The following ZNF579 variants were observed in gnomAD, a reference collection of about 807,000 sequenced individuals.
The protein encoded by ZNF579 is zinc finger protein 579.
Under a neutral mutation model 5.7 loss-of-function variants are expected in ZNF579, and 3 were observed. The ratio of observed to expected loss-of-function variants is 0.53; its 90% CI spans 0.24 to 1.36. The LOEUF is 1.36. Ranked by LOEUF, ZNF579 falls within the 40% of genes most tolerant of loss-of-function variation. ZNF579 has a pLI of 0.16. For missense variants in ZNF579, 679 were observed against 877.6 expected (o/e 0.77, Z 2.86); for synonymous variants, 454 against 409.0 (o/e 1.11, Z -1.33).
rs931495431 is a variant in ZNF579, at chr19:55,579,089, G to A, written c.551C>T (p.Ala184Val). ...WPAGEPSTLA[A>V]PTSAAEPRES... ...CCGGGGCTCCGCGGCGCTGGTGGGC[G>A]CAGCCAGCGTGGAAGGCTCCCCCGC... Residue 184 changes from alanine (A) to valine (V), a missense_variant, in exon 2 of 2, where the codon GCG becomes GTG. By Grantham distance (64) the Ala-to-Val change is moderately conservative. Around this residue, in one of 6 missense-constraint regions of ZNF579, gnomAD observed 209 missense variants for 223.4 expected, o/e 0.94. Transcript: ENST00000325421. 2.6e-6 allele frequency: 4 copies of A among 1,528,356 alleles called. No individual in the cohort carries two copies. The highest frequency in any genetic ancestry group is 1.4e-5 in the African/African-American group (1 of 71,816). 94.7% of individuals were successfully genotyped at this position (1,528,356 alleles called of 1,614,324 possible). A position where few individuals can be genotyped will look rare whatever the true frequency, so the allele number is the denominator to read the frequency against.
chr19:55,577,015 G>C lies in ZNF579; in HGVS notation c.*936C>G, dbSNP rs1979389035. The C allele has an allele frequency of 6.6e-6, 1 of 152,212 alleles. No homozygotes were observed. The highest frequency in any genetic ancestry group is 6.5e-5 in the Admixed American group (1 of 15,278). The allele number at this position is 152,212 out of a possible 1,614,324, so 9.4% of individuals were successfully genotyped here. Reference sequence around the variant, plus strand: ...CACCTGTAGTCCTAGCTCCTTGAGAGGCTAAGAGGATTGCTTGGGTCTGGG... The same window carrying C: ...CACCTGTAGTCCTAGCTCCTTGAGACGCTAAGAGGATTGCTTGGGTCTGGG... On this transcript the variant is annotated 3_prime_UTR_variant, in exon 2 of 2. Transcript: ENST00000325421.
chr19:55,580,590 C>T (rs922001181), intron 1 of ZNF579, among the ~76,000 whole-genome samples: 1 of 145,358 alleles, frequency 6.9e-6, no homozygotes, highest in Non-Finnish European at 1.5e-5. Context: ...AGGGAGGAGG[C>T]GACTGAGGGC....
chr19:55,579,559 ACCACGGCCTCGG>A lies in ZNF579; in HGVS notation c.69_80del (p.Arg32_Gly35del). 4 of 1,489,882 alleles carry A rather than the reference ACCACGGCCTCGG, an allele frequency of 2.7e-6. No homozygotes were observed. The highest frequency in any genetic ancestry group is 2.9e-5 in the East Asian group (1 of 34,882). The allele number at this position is 1,489,882 out of a possible 1,614,324, so 92.3% of individuals were successfully genotyped here. ...CCCCCCTGCCACGGCCACGGCCCCG[ACCACGGCCTCGG>A]CCACGGCCCCGGCCTCGGCCACGGT... is the stretch of plus-strand genomic sequence containing the variant. On this transcript the variant is annotated inframe_deletion, in exon 2 of 2. Transcript: ENST00000325421.
chr19:55,579,364 G>T lies in ZNF579; in HGVS notation c.276C>A (p.Arg92=). 1 of 1,344,086 alleles carries T rather than the reference G, an allele frequency of 7.4e-7. No homozygotes were observed. Among genetic ancestry groups the T allele is most frequent in the South Asian group, 1.9e-5 (1 of 54,034 alleles). The allele number at this position is 1,344,086 out of a possible 1,614,324, so 83.3% of individuals were successfully genotyped here. A position where few individuals can be genotyped will look rare whatever the true frequency, so the allele number is the denominator to read the frequency against. The change falls in exon 2 of 2, where the codon CGC becomes CGA. Residue 92 remains arginine (R), a synonymous_variant. Transcript: ENST00000325421. ...GCAGCGGGGGCTGGGGCCCGTGGCCGCGCAGGTGGCGGGAAAGGTGGGCCG... is the reference window on the plus strand; with the variant it reads ...GCAGCGGGGGCTGGGGCCCGTGGCCTCGCAGGTGGCGGGAAAGGTGGGCCG... ...RRPAHLSRHL[R]GHGPQPPLRC...
rs1200626517 is a variant in ZNF579 at position 55,578,224 on chromosome 19, C to T, written c.1416G>A (p.Ala472=). ...CHRAELERAA[A]LQALQAQAPT... ...GGGCCTGGGCCTGCAGTGCCTGCAG[C>T]GCGGCGGCCCTCTCCAGCTCTGCGC... The change falls in exon 2 of 2, where the codon GCG becomes GCA. Residue 472 remains alanine, a synonymous_variant. Coordinates refer to ENST00000325421, the MANE Select transcript of ZNF579 (RefSeq NM_152600.3). The T allele has an allele frequency of 3.4e-6, 5 of 1,451,764 alleles. No homozygotes were observed. Among genetic ancestry groups the T allele is most frequent in the Non-Finnish European group, 4.5e-6 (5 of 1,109,212 alleles). 89.9% of individuals were successfully genotyped at this position (1,451,764 alleles called of 1,614,324 possible). A position where few individuals can be genotyped will look rare whatever the true frequency, so the allele number is the denominator to read the frequency against.
Position 55,579,593 on chromosome 19 carries a change from C to T in ZNF579, c.47G>A (p.Arg16His), listed in dbSNP as rs914140348. ...PPPAQGSPPH[R>H]GRGRGRGRGR... is the part of the protein sequence containing the mutation. ...TCGGCCACGGCCCCGGCCTCGGCCA[C>T]GGTGAGGTGGGCTGCCCTGGGCGGG... The change falls in exon 2 of 2, where the codon CGT becomes CAT. Residue 16 changes from arginine (R) to histidine (H), a missense_variant. Around this residue, in one of 6 missense-constraint regions of ZNF579, gnomAD observed 134 missense variants for 208.9 expected, o/e 0.64. Coordinates refer to ENST00000325421, the MANE Select transcript of ZNF579 (RefSeq NM_152600.3). 12 of 1,493,694 alleles carry T rather than the reference C, an allele frequency of 8.0e-6. No individual in the cohort carries two copies. In the East Asian group the frequency reaches 1.1e-4, roughly 14 times the overall value. 92.5% of individuals were successfully genotyped at this position (1,493,694 alleles called of 1,614,324 possible).
chr19:55,580,285 C>G (rs966060911), intron 1 of ZNF579, among the ~76,000 whole-genome samples: 1 of 151,736 alleles, frequency 6.6e-6, no homozygotes, highest in African/African-American at 2.4e-5. Flanking sequence ...CGGTAGGCCC[C>G]GGAAATAGAG....
chr19:55,579,750 G>T, intron 1 of ZNF579, 109 bp from the exon 2 acceptor site: 1 of 1,223,068 alleles, frequency 8.2e-7, no homozygotes, highest in Non-Finnish European at 1.1e-6. Flanking sequence ...GGCAGAGAGG[G>T]TCAGGTATTT....
Position 55,579,601 on chromosome 19 carries a change from TG to T in ZNF579, c.38del (p.Pro13HisfsTer52). ...PQPPPPAQGSPPHRGRGRGRG... is the reference protein window; with the variant it reads ...PQPPPPAQGSXPHRGRGRGRG... Reference sequence around the variant, plus strand: ...GGCCCCGGCCTCGGCCACGGTGAGGTGGGCTGCCCTGGGCGGGTGGAGGAGG... The same window carrying T: ...GGCCCCGGCCTCGGCCACGGTGAGGTGGCTGCCCTGGGCGGGTGGAGGAGG... On this transcript the variant is annotated frameshift_variant, in exon 2 of 2. Transcript: ENST00000325421. LOFTEE classifies it low-confidence loss of function (END_TRUNC). 1 of 1,484,334 alleles carries T rather than the reference TG, an allele frequency of 6.7e-7. No homozygotes were observed. The highest frequency in any genetic ancestry group is 8.9e-7 in the Non-Finnish European group (1 of 1,124,606). The allele number at this position is 1,484,334 out of a possible 1,614,324, so 91.9% of individuals were successfully genotyped here. A position where few individuals can be genotyped will look rare whatever the true frequency, so the allele number is the denominator to read the frequency against.
chr19:55,579,664 T>C, intron 1 of ZNF579, 23 bp from the exon 2 acceptor site: 1 of 1,407,272 alleles, frequency 7.1e-7, no homozygotes, highest in Non-Finnish European at 9.2e-7. Flanking sequence ...AGGGGAGAGA[T>C]GGGAAGCGGG....
chr19:55,578,449 C>A lies in ZNF579; in HGVS notation c.1191G>T (p.Ala397=). 1 of 1,463,894 alleles carries A rather than the reference C, an allele frequency of 6.8e-7. No homozygotes were observed. 90.7% of individuals were successfully genotyped at this position (1,463,894 alleles called of 1,614,324 possible). A position where few individuals can be genotyped will look rare whatever the true frequency, so the allele number is the denominator to read the frequency against. The change falls in exon 2 of 2, where the codon GCG becomes GCT. Residue 397 remains alanine (A), a synonymous_variant. Transcript: ENST00000325421. ...PECGKGFRRR[A]HLRQHGVTHS... Reference sequence around the variant, plus strand: ...GGGTCACCCCGTGCTGCCGCAGGTGCGCCCGGCGCCTGAAACCTTTGCCGC... The same window carrying A: ...GGGTCACCCCGTGCTGCCGCAGGTGAGCCCGGCGCCTGAAACCTTTGCCGC...
intron 1 of ZNF579, chr19:55,579,928 A>G (rs1215712037): frequency 8.6e-6 from 3 of 349,218 alleles, no homozygotes; most frequent in Non-Finnish European, 1.5e-5. Context: ...ACAGACAGAG[A>G]CCAGGAGTCG....
intron 1 of ZNF579, among the ~76,000 whole-genome samples, chr19:55,580,569 C>T (rs1158334321): frequency 1.4e-5 from 2 of 141,554 alleles, no homozygotes; most frequent in African/African-American, 2.7e-5. Context: ...ACCCAGCTGC[C>T]GGGAATCCCC....
Position 55,578,479 on chromosome 19 carries a change from T to C in ZNF579, c.1161A>G (p.Pro387=). The change falls in exon 2 of 2, where the codon CCA becomes CCG. Residue 387 remains proline, a synonymous_variant. Coordinates refer to ENST00000325421, the MANE Select transcript of ZNF579 (RefSeq NM_152600.3). The part of the protein sequence containing the change: ...PPAGEPRFWC[P]ECGKGFRRRA... ...GGCGCCTGAAACCTTTGCCGCACTC[T>C]GGGCACCAGAAGCGGGGCTCCCCGG... The C allele has an allele frequency of 6.9e-7, 1 of 1,438,962 alleles. No homozygotes were observed. The highest frequency in any genetic ancestry group is 9.0e-7 in the Non-Finnish European group (1 of 1,107,246). The allele number at this position is 1,438,962 out of a possible 1,614,324, so 89.1% of individuals were successfully genotyped here.
chr19:55,578,457 G>A lies in ZNF579; in HGVS notation c.1183C>T (p.Arg395Cys). 6.8e-7 allele frequency: 1 copy of A among 1,460,106 alleles called. No homozygotes were observed. The highest frequency in any genetic ancestry group is 9.0e-7 in the Non-Finnish European group (1 of 1,116,426). The allele number at this position is 1,460,106 out of a possible 1,614,324, so 90.4% of individuals were successfully genotyped here. ...WCPECGKGFR[R>C]RAHLRQHGVT... ...CCGTGCTGCCGCAGGTGCGCCCGGC[G>A]CCTGAAACCTTTGCCGCACTCTGGG... The change falls in exon 2 of 2, where the codon CGC (arginine) becomes TGC (cysteine). Residue 395 changes from arginine (R) to cysteine (C), a missense_variant. Arg to Cys is a radical substitution (Grantham distance 180). This residue lies in a region of ZNF579 where 68 missense variants were observed against 154.2 expected (regional missense o/e 0.44). Transcript: ENST00000325421.
Position 55,579,223 on chromosome 19 carries a change from C to A in ZNF579, c.417G>T (p.Thr139=). The A allele has an allele frequency of 1.3e-6, 2 of 1,522,856 alleles. No individual in the cohort carries two copies. Among genetic ancestry groups the A allele is most frequent in the East Asian group, 2.5e-5 (1 of 39,690 alleles). 94.3% of individuals were successfully genotyped at this position (1,522,856 alleles called of 1,614,324 possible). A position where few individuals can be genotyped will look rare whatever the true frequency, so the allele number is the denominator to read the frequency against. Residue 139 remains threonine (T), a synonymous_variant, in exon 2 of 2, where the codon ACG becomes ACT. Coordinates refer to ENST00000325421, the MANE Select transcript of ZNF579 (RefSeq NM_152600.3). ...ELAIERVAKE[T]AEPSWGPQDE... ...CCTGCGGGCCCCAGCTGGGTTCGGC[C>A]GTCTCCTTGGCCACCCTCTCGATGG...
chr19:55,577,622 G>A lies in ZNF579; in HGVS notation c.*329C>T, dbSNP rs947951540. The A allele has an allele frequency of 2.5e-6, 1 of 395,814 alleles. No homozygotes were observed. The highest frequency in any genetic ancestry group is 2.1e-5 in the African/African-American group (1 of 47,668). 24.5% of individuals were successfully genotyped at this position (395,814 alleles called of 1,614,324 possible). A position where few individuals can be genotyped will look rare whatever the true frequency, so the allele number is the denominator to read the frequency against. On this transcript the variant is annotated 3_prime_UTR_variant, in exon 2 of 2. Coordinates refer to ENST00000325421, the MANE Select transcript of ZNF579 (RefSeq NM_152600.3). ...CCCCAGGGTCTGGCAGTTCCAAAGA[G>A]GTGATGGTGTCCAGTGTGTGAAACG...
In ZNF579 at chr19:55,578,628, TGTC is replaced by T. The variant is rs1979491211; in HGVS notation, c.1009_1011del (p.Asp337del). The T allele has an allele frequency of 3.9e-6, 6 of 1,526,602 alleles. No homozygotes were observed. The highest frequency in any genetic ancestry group is 5.2e-6 in the Non-Finnish European group (6 of 1,148,140). 94.6% of individuals were successfully genotyped at this position (1,526,602 alleles called of 1,614,324 possible). ...GCTGAGTTCCGTGCACCCGAGGCCT[TGTC>T]GTCCTTCTTGCCCGCCGCGGGCAGC... On this transcript the variant is annotated inframe_deletion, in exon 2 of 2. Coordinates refer to ENST00000325421, the MANE Select transcript of ZNF579 (RefSeq NM_152600.3).
chr19:55,579,157 G>T lies in ZNF579; in HGVS notation c.483C>A (p.Ala161=), dbSNP rs1164018164. The T allele has an allele frequency of 2.0e-6, 3 of 1,525,502 alleles. No individual in the cohort carries two copies. In the Admixed American group the frequency reaches 5.9e-5, roughly 30 times the overall value. 94.5% of individuals were successfully genotyped at this position (1,525,502 alleles called of 1,614,324 possible). A position where few individuals can be genotyped will look rare whatever the true frequency, so the allele number is the denominator to read the frequency against. The part of the protein sequence containing the change: ...SEPPTTAAAG[A]TEEEAVAAWP... ...ACGCTGCGACCGCCTCCTCCTCCGT[G>T]GCCCCTGCTGCAGCGGTGGTGGGCG... Residue 161 remains alanine, a synonymous_variant, in exon 2 of 2, where the codon GCC becomes GCA. Coordinates refer to ENST00000325421, the MANE Select transcript of ZNF579 (RefSeq NM_152600.3).
Sources: gnomAD v4.1 joint callset for allele counts (sites outside exome capture counted in the v4.1 genomes callset) on GRCh38, gnomAD v4.1.1 for gene constraint, gnomAD v4.1.1 regional missense constraint, MANE v1.5 for transcripts, NCBI Gene and HGNC (gene_info 2026-07-23, HGNC 2026-07-21) for gene names.